Variants in ANKRD30B observed in about 807,000 individuals in gnomAD.
ANKRD30B encodes ankyrin repeat domain 30B.
A neutral mutation model predicts 202.2 loss-of-function variants in ANKRD30B; 144 were observed. That is an observed-to-expected ratio of 0.71 (90% CI 0.62 to 0.82). The LOEUF (loss-of-function observed/expected upper bound fraction) is 0.82. Among genes scored for constraint, ANKRD30B ranks in the 40% least tolerant of loss-of-function variants. The probability of loss-of-function intolerance (pLI) is 0.00; values close to 1 mark genes in which losing one functional copy is unlikely to be tolerated. For synonymous variants in ANKRD30B, 508 were observed against 561.3 expected (o/e 0.91, Z 1.34); for missense variants, 1,487 against 1,669.1 (o/e 0.89, Z 1.90).
In ANKRD30B at chr18:14,830,458, T is replaced by A. The variant is rs188640357; in HGVS notation, c.2775-925T>A. On this transcript the variant is annotated intron_variant, in intron 33 of 43. Coordinates refer to ENST00000690538, the MANE Select transcript of ANKRD30B (RefSeq NM_001367607.2). ...TCCCAATAACAAATATAGATTTGTA[T>A]TTTGACATTTGTAGGTTCAGCTTTT... Among the ~76,000 whole-genome samples, 111 of 152,270 alleles carry A rather than the reference T, an allele frequency of 7.3e-4. 1 individual carries two copies. Among genetic ancestry groups the A allele is most frequent in the Non-Finnish European group, 1.3e-3 (88 of 67,994 alleles).
intron 4 of ANKRD30B, among the ~76,000 whole-genome samples, chr18:14,755,305 A>G (rs1914156537): frequency 6.6e-6 from 1 of 152,020 alleles, no homozygotes; most frequent in Admixed American, 6.6e-5. Context: ...AGAAGTATGA[A>G]CTTTTTTAGT....
intron 7 of ANKRD30B, among the ~76,000 whole-genome samples, chr18:14,767,619 C>G (rs1916454699): frequency 6.6e-6 from 1 of 152,106 alleles, no homozygotes; most frequent in African/African-American, 2.4e-5. Context: ...TATCTGACTA[C>G]ATATCAGAAG....
At chr18:14,871,932 T>G in the ANKRD30B span, among the ~76,000 whole-genome samples, 1 of 152,232 alleles carries the variant, frequency 6.6e-6, no homozygotes, top group Non-Finnish European at 1.5e-5. Flanking sequence ...TACACAAACA[T>G]GTATAGCTAC....
intron 24 of ANKRD30B, among the ~76,000 whole-genome samples, chr18:14,807,390 AG>A (rs1299686831): frequency 6.6e-6 from 1 of 150,784 alleles, no homozygotes; most frequent in Non-Finnish European, 1.5e-5. Context: ...GTTTTAGCAA[AG>A]CAAAGCAATT....
chr18:14,843,957 A>T (rs1242009157), intron 39 of ANKRD30B, among the ~76,000 whole-genome samples: 2 of 152,200 alleles, frequency 1.3e-5, no homozygotes, highest in East Asian at 3.9e-4. Context: ...TATTATTCCT[A>T]TGCATGCTTA....
chr18:14,863,519 G>T, the ANKRD30B span, among the ~76,000 whole-genome samples: 2 of 151,776 alleles, frequency 1.3e-5, no homozygotes, highest in African/African-American at 2.4e-5. Context: ...TGCTTCTACT[G>T]CCTGCACAAC....
intron 14 of ANKRD30B, among the ~76,000 whole-genome samples, 164 bp from the exon 15 acceptor site, chr18:14,786,875 C>G (rs1036039382): frequency 3.9e-5 from 6 of 152,096 alleles, no homozygotes; most frequent in African/African-American, 1.2e-4. Context: ...GGTTTCAATT[C>G]TGATGGAGTG....
chr18:14,876,431 A>G, the ANKRD30B span, among the ~76,000 whole-genome samples: 1 of 152,212 alleles, frequency 6.6e-6, no homozygotes. Context: ...GGGAGTGGCT[A>G]GAAAAAATTA....
At chr18:14,844,878 G>A (rs1174137650) in intron 39 of ANKRD30B, among the ~76,000 whole-genome samples, 1 of 151,970 alleles carries the variant, frequency 6.6e-6, no homozygotes, top group Non-Finnish European at 1.5e-5. Flanking sequence ...CTGCATAAAT[G>A]TCTTCTTTTC....
chr18:14,928,683 C>G, the ANKRD30B span, among the ~76,000 whole-genome samples: 4 of 152,330 alleles, frequency 2.6e-5, no homozygotes, highest in African/African-American at 4.8e-5. Flanking sequence ...GACTGTGAGA[C>G]TTTTCAGTCT....
At chr18:14,937,869 A>G in the ANKRD30B span, among the ~76,000 whole-genome samples, 2 of 152,204 alleles carry the variant, frequency 1.3e-5, no homozygotes, top group Non-Finnish European at 2.9e-5. Context: ...TAGAAAAGCA[A>G]AGGCCCCTGG....
downstream of ANKRD30B, among the ~76,000 whole-genome samples, chr18:14,856,507 G>A (rs1263990432): frequency 2.2e-5 from 3 of 136,934 alleles, no homozygotes; most frequent in Admixed American, 7.2e-5. Flanking sequence ...GGCGGCTGGG[G>A]AGAGGTGCTC....
downstream of ANKRD30B, among the ~76,000 whole-genome samples, chr18:14,856,386 A>C (rs879090014): frequency 1.6e-4 from 16 of 100,418 alleles, no homozygotes; most frequent in East Asian, 3.1e-4. Flanking sequence ...CCAGATGGGG[A>C]GGCTGGGCAG....
chr18:14,910,305 G>C, the ANKRD30B span, among the ~76,000 whole-genome samples: 1 of 151,896 alleles, frequency 6.6e-6, no homozygotes, highest in African/African-American at 2.4e-5. Flanking sequence ...TCACTGTTCA[G>C]CTCCCACTCA....
At chr18:14,887,557 T>C in the ANKRD30B span, among the ~76,000 whole-genome samples, 4 of 151,944 alleles carry the variant, frequency 2.6e-5, no homozygotes, top group Non-Finnish European at 4.4e-5. Flanking sequence ...ACATCTATTG[T>C]AAGCATTGCT....
the ANKRD30B span, among the ~76,000 whole-genome samples, chr18:14,904,385 C>T: frequency 1.3e-5 from 2 of 152,142 alleles, no homozygotes; most frequent in African/African-American, 4.8e-5. Flanking sequence ...TCTGAGTACT[C>T]CTTGGGGCCT....
chr18:14,838,896 G>A (rs1043166359), intron 36 of ANKRD30B, among the ~76,000 whole-genome samples: 1 of 152,202 alleles, frequency 6.6e-6, no homozygotes, highest in South Asian at 2.1e-4. Flanking sequence ...ACAAATGTAA[G>A]ACAAAATGAT....
chr18:14,768,952 A>G (rs944903057), intron 7 of ANKRD30B, among the ~76,000 whole-genome samples: 9 of 152,222 alleles, frequency 5.9e-5, no homozygotes, highest in Non-Finnish European at 1.3e-4. Flanking sequence ...AGAACTATAA[A>G]GGAGGGGAAA....
At chr18:14,861,883 A>C in the ANKRD30B span, among the ~76,000 whole-genome samples, 9 of 152,342 alleles carry the variant, frequency 5.9e-5, no homozygotes, top group Non-Finnish European at 1.2e-4. Context: ...CCACATGCTC[A>C]GTCATAAAAT....
Sources: gnomAD v4.1 joint callset for allele counts (sites outside exome capture counted in the v4.1 genomes callset) on GRCh38, gnomAD v4.1.1 for gene constraint, MANE v1.5 for transcripts, NCBI Gene and HGNC (gene_info 2026-07-23, HGNC 2026-07-21) for gene names.